Variants in ANTXR1 observed in about 807,000 individuals in gnomAD.
ANTXR1 encodes the protein ANTXR cell adhesion molecule 1, also known as anthrax toxin receptor 1.
A neutral mutation model predicts 78.1 loss-of-function variants in ANTXR1; 19 were observed. The ratio of observed to expected loss-of-function variants is 0.24; its 90% CI spans 0.17 to 0.36. The LOEUF is 0.36. Ranked by LOEUF, ANTXR1 falls within the 10% of genes least tolerant of loss-of-function variation. The pLI is 1.00. For missense variants in ANTXR1, 518 were observed against 718.6 expected (o/e 0.72, Z 3.19); for synonymous variants, 273 against 260.5 (o/e 1.05, Z -0.46).
chr2:69,022,766 A>C (rs1671231148), intron 1 of ANTXR1, among the ~76,000 whole-genome samples: 2 of 152,224 alleles, frequency 1.3e-5, no homozygotes, highest in African/African-American at 4.8e-5. Flanking sequence ...GCTCATGGTT[A>C]TGGCCTTATG....
At position 69,205,884 on chromosome 2, in the gene ANTXR1, G is replaced by A. The variant is rs149798156; in HGVS notation, c.1434+12469G>A. Among the ~76,000 whole-genome samples, 129 of 152,212 alleles carry A rather than the reference G, an allele frequency of 8.5e-4. 1 individual carries two copies. Among genetic ancestry groups the A allele is most frequent in the Middle Eastern group, 3.4e-3 (1 of 294 alleles). On this transcript the variant is annotated intron_variant, in intron 17 of 17. Coordinates refer to ENST00000303714, the MANE Select transcript of ANTXR1 (RefSeq NM_032208.3). ...TAATTGCTATTCATACTTTGTCATT[G>A]CCATTTATTAATAACTTTTCTTTAA...
chr2:69,149,124 G>A (rs1235649398), intron 12 of ANTXR1, among the ~76,000 whole-genome samples: 1 of 152,146 alleles, frequency 6.6e-6, no homozygotes, highest in Non-Finnish European at 1.5e-5. Flanking sequence ...TGCATTCGGG[G>A]GCTTTATCCC....
intron 12 of ANTXR1, among the ~76,000 whole-genome samples, chr2:69,151,208 T>TG (rs1673384795): frequency 2.7e-5 from 4 of 148,684 alleles, no homozygotes; most frequent in Admixed American, 2.7e-4. Flanking sequence ...TTTTTTTTTT[T>TG]TGAGACGGAG....
intron 12 of ANTXR1, among the ~76,000 whole-genome samples, chr2:69,151,934 A>G (rs1263444806): frequency 1.3e-5 from 2 of 152,168 alleles, no homozygotes; most frequent in African/African-American, 2.4e-5. Context: ...ATGTTCCTCA[A>G]AGGGAAGAAC....
At chr2:69,243,652 T>C (rs1340641524) in intron 17 of ANTXR1, among the ~76,000 whole-genome samples, 1 of 152,198 alleles carries the variant, frequency 6.6e-6, no homozygotes, top group African/African-American at 2.4e-5. Flanking sequence ...GCAGCAATTG[T>C]TCCCCAAATT....
intron 1 of ANTXR1, among the ~76,000 whole-genome samples, chr2:69,031,824 A>G (rs1411335547): frequency 6.6e-6 from 1 of 152,206 alleles, no homozygotes; most frequent in Non-Finnish European, 1.5e-5. Flanking sequence ...CAAAAATCAT[A>G]TTTTGAATTT....
chr2:69,145,233 C>G, intron 12 of ANTXR1: 1 of 1,315,184 alleles, frequency 7.6e-7, no homozygotes, highest in Non-Finnish European at 1.1e-6. Flanking sequence ...TTTAGGGACC[C>G]TCACTTGCAT....
At chr2:69,181,454 T>C (rs1299336665) in intron 14 of ANTXR1, among the ~76,000 whole-genome samples, 2 of 152,152 alleles carry the variant, frequency 1.3e-5, no homozygotes, top group Non-Finnish European at 2.9e-5. Flanking sequence ...TTCAGAAGCA[T>C]CAGGGCTGAA....
At position 69,064,092 on chromosome 2, in the gene ANTXR1, A is replaced by G. The variant is rs147439449; in HGVS notation, c.297-6555A>G. Among the ~76,000 whole-genome samples, 18 of 152,334 alleles carry G rather than the reference A, an allele frequency of 1.2e-4. No individual in the cohort carries two copies. The East Asian group carries it at 3.5e-3, about 29-fold the overall frequency. ...AACCACTCCAAGACTTACATTAAAT[A>G]TAAAATGAACTAAAGATTCCAGATA... On this transcript the variant is annotated intron_variant, in intron 3 of 17. Transcript: ENST00000303714.
intron 17 of ANTXR1, among the ~76,000 whole-genome samples, chr2:69,230,541 AG>A (rs1170110962): frequency 6.6e-6 from 1 of 152,116 alleles, no homozygotes; most frequent in Non-Finnish European, 1.5e-5. Context: ...TCTGTGTCCA[AG>A]TATTTATTAA....
rs72897307 is a variant in ANTXR1, at chr2:69,070,765, A to G, written c.378+37A>G. On this transcript the variant is annotated intron_variant, in intron 4 of 17. Coordinates refer to ENST00000303714, the MANE Select transcript of ANTXR1 (RefSeq NM_032208.3). Reference sequence around the variant, plus strand: ...ACAGTTTGAAATCCAAATATAAAGCATGATATTGAAATATCAACATGGGGT... The same window carrying G: ...ACAGTTTGAAATCCAAATATAAAGCGTGATATTGAAATATCAACATGGGGT... The G allele has an allele frequency of 6.3e-3, 9,957 of 1,589,518 alleles. 492 individuals carry two copies. The African/African-American group carries it at 0.11, about 18-fold the overall frequency.
At chr2:69,124,909 A>G (rs1202644797) in intron 12 of ANTXR1, among the ~76,000 whole-genome samples, 2 of 152,168 alleles carry the variant, frequency 1.3e-5, no homozygotes, top group Middle Eastern at 3.2e-3. Flanking sequence ...TGGCCTGACC[A>G]GACGGTAAGA....
chr2:69,196,517 G>A (rs1281665882), intron 17 of ANTXR1, among the ~76,000 whole-genome samples: 2 of 152,028 alleles, frequency 1.3e-5, no homozygotes, highest in Non-Finnish European at 2.9e-5. Context: ...TTCCAGGCGA[G>A]GCAGGGGGGG....
At chr2:69,031,858 T>G (rs1327956259) in intron 1 of ANTXR1, among the ~76,000 whole-genome samples, 1 of 152,220 alleles carries the variant, frequency 6.6e-6, no homozygotes, top group Non-Finnish European at 1.5e-5. Flanking sequence ...TTTCCCCTTT[T>G]CTGCATCACT....
At chr2:69,167,521 C>T (rs1026317692) in intron 13 of ANTXR1, among the ~76,000 whole-genome samples, 1 of 152,188 alleles carries the variant, frequency 6.6e-6, no homozygotes, top group Non-Finnish European at 1.5e-5. Flanking sequence ...TCACGGACAG[C>T]CTATCCAACT....
intron 12 of ANTXR1, among the ~76,000 whole-genome samples, chr2:69,132,598 C>T (rs1177917972): frequency 6.6e-6 from 1 of 152,224 alleles, no homozygotes; most frequent in African/African-American, 2.4e-5. Context: ...ATTGCGTACT[C>T]TTCAGAGAAA....
chr2:69,192,402 C>T (rs1393943067), intron 16 of ANTXR1, among the ~76,000 whole-genome samples: 8 of 152,108 alleles, frequency 5.3e-5, no homozygotes, highest in Non-Finnish European at 8.8e-5. Flanking sequence ...TTTCCAAAGT[C>T]GGCAACATTG....
At position 69,249,155 on chromosome 2, in the gene ANTXR1, A is replaced by C. The variant is rs1235004560; in HGVS notation, c.*3670A>C. 1 of 151,968 alleles carries C rather than the reference A, an allele frequency of 6.6e-6. No individual in the cohort carries two copies. The allele number at this position is 151,968 out of a possible 1,614,324, so 9.4% of individuals were successfully genotyped here. On this transcript the variant is annotated 3_prime_UTR_variant, in exon 18 of 18. Transcript: ENST00000303714. Reference sequence around the variant, plus strand: ...AAGTTGCTTTTTTTAAAAAAATAATAAATTTCTTAAATCAACTCTTTTTTC... The same window carrying C: ...AAGTTGCTTTTTTTAAAAAAATAATCAATTTCTTAAATCAACTCTTTTTTC...
intron 13 of ANTXR1, among the ~76,000 whole-genome samples, chr2:69,166,885 G>C (rs1257346382): frequency 2.6e-5 from 4 of 152,190 alleles, no homozygotes; most frequent in African/African-American, 9.7e-5. Flanking sequence ...TATGCAATTT[G>C]CCTTTCAATT....
Sources: allele counts gnomAD v4.1 joint callset (sites outside exome capture counted in the v4.1 genomes callset), GRCh38; gene constraint gnomAD v4.1.1; transcripts MANE v1.5; gene names NCBI Gene and HGNC (gene_info 2026-07-23, HGNC 2026-07-21).